The following TTC7B variants were observed in gnomAD, a reference collection of about 807,000 sequenced individuals.
The protein encoded by TTC7B is tetratricopeptide repeat domain 7B.
TTC7B carries 28 observed loss-of-function variants against 106.8 expected under a neutral mutation model. That is an observed-to-expected ratio of 0.26 (90% CI 0.19 to 0.36). The LOEUF is 0.36. Among genes scored for constraint, TTC7B ranks in the 10% least tolerant of loss-of-function variants. The probability of loss-of-function intolerance (pLI) is 1.00; values close to 1 mark genes in which losing one functional copy is unlikely to be tolerated. For synonymous variants in TTC7B, 405 were observed against 430.6 expected (o/e 0.94, Z 0.74); for missense variants, 862 against 1,076.4 (o/e 0.80, Z 2.79).
chr14:90,706,000 A>T (rs1595301699), intron 5 of TTC7B, among the ~76,000 whole-genome samples: 1 of 152,090 alleles, frequency 6.6e-6, no homozygotes, highest in Admixed American at 6.6e-5. Flanking sequence ...AGGCTTGATC[A>T]ATTCAGGGTC....
intron 15 of TTC7B, among the ~76,000 whole-genome samples, chr14:90,632,682 G>A (rs1164143101): frequency 6.6e-6 from 1 of 152,214 alleles, no homozygotes; most frequent in Non-Finnish European, 1.5e-5. Context: ...GTGGTTACGA[G>A]CACAGATGGC....
intron 8 of TTC7B, among the ~76,000 whole-genome samples, chr14:90,678,582 A>G (rs1206346636): frequency 6.6e-6 from 1 of 152,244 alleles, no homozygotes; most frequent in African/African-American, 2.4e-5. Context: ...CATTTTGGTT[A>G]GAAACCTCAT....
At chr14:90,766,507 C>T (rs569810448) in intron 3 of TTC7B, 67 of 705,718 alleles carry the variant, frequency 9.5e-5, no homozygotes, top group African/African-American at 6.4e-4. Flanking sequence ...AGGAGGCCTA[C>T]GTGCCACCTC....
At position 90,533,566 on chromosome 14, in the gene TTC7B, G is replaced by C. The variant is rs80336958; in HGVS notation, c.*7802C>G. ...CCTCTGTTAATATCCCCAAAAGCCC[G>C]TAAGGGAAGTTACTCCCCGACCATA... On this transcript the variant is annotated 3_prime_UTR_variant, in exon 20 of 20. Coordinates refer to ENST00000328459, the MANE Select transcript of TTC7B (RefSeq NM_001010854.2). 2 of 152,258 alleles carry C rather than the reference G, an allele frequency of 1.3e-5. No individual in the cohort carries two copies. The highest frequency in any genetic ancestry group is 4.8e-5 in the African/African-American group (2 of 41,448). 9.4% of individuals were successfully genotyped at this position (152,258 alleles called of 1,614,324 possible). A position where few individuals can be genotyped will look rare whatever the true frequency, so the allele number is the denominator to read the frequency against.
At chr14:90,815,972 C>T (rs529886330) in intron 1 of TTC7B, among the ~76,000 whole-genome samples, 1 of 151,338 alleles carries the variant, frequency 6.6e-6, no homozygotes, top group East Asian at 2.0e-4. Flanking sequence ...GCCCCTGGCG[C>T]CCCCCCGGGC....
intron 5 of TTC7B, among the ~76,000 whole-genome samples, chr14:90,728,272 C>T (rs1225805006): frequency 7.4e-6 from 1 of 135,158 alleles, no homozygotes; most frequent in African/African-American, 2.8e-5. Flanking sequence ...CCAAGGCAGG[C>T]AGATCCCTTG....
chr14:90,693,443 A>T (rs1453773145), intron 6 of TTC7B, among the ~76,000 whole-genome samples: 1 of 152,230 alleles, frequency 6.6e-6, no homozygotes, highest in Non-Finnish European at 1.5e-5. Context: ...CCAAACAACT[A>T]GCAGCCCTCG....
At chr14:90,767,740 GAAGAA>G (rs1257806243) in intron 3 of TTC7B, among the ~76,000 whole-genome samples, 5 of 152,142 alleles carry the variant, frequency 3.3e-5, no homozygotes, top group Non-Finnish European at 7.4e-5. Flanking sequence ...AAAAAAGATT[GAAGAA>G]AAGTGAACAG....
chr14:90,702,274 G>A (rs1399600194), intron 5 of TTC7B, among the ~76,000 whole-genome samples: 3 of 152,142 alleles, frequency 2.0e-5, no homozygotes, highest in Non-Finnish European at 4.4e-5. Flanking sequence ...AAACTAGTCA[G>A]TAACAACTGT....
intron 5 of TTC7B, among the ~76,000 whole-genome samples, chr14:90,727,265 G>A (rs1235935643): frequency 6.6e-6 from 1 of 152,120 alleles, no homozygotes; most frequent in Non-Finnish European, 1.5e-5. Flanking sequence ...GAGGGTGATG[G>A]ACAGTCAATC....
At chr14:90,641,246 G>A (rs1342496097) in intron 15 of TTC7B, among the ~76,000 whole-genome samples, 2 of 152,172 alleles carry the variant, frequency 1.3e-5, no homozygotes, top group African/African-American at 2.4e-5. Context: ...GGAATGTAAC[G>A]CTGGAGGGAC....
intron 3 of TTC7B, among the ~76,000 whole-genome samples, chr14:90,770,634 C>T (rs897220541): frequency 6.9e-6 from 1 of 144,294 alleles, no homozygotes; most frequent in South Asian, 2.2e-4. Flanking sequence ...GCCTGGGCAA[C>T]AAGAGTGAAA....
intron 3 of TTC7B, among the ~76,000 whole-genome samples, chr14:90,776,854 G>A (rs2140031809): frequency 6.6e-6 from 1 of 152,264 alleles, no homozygotes; most frequent in Middle Eastern, 3.4e-3. Flanking sequence ...GTAGGACCCT[G>A]GGCAAGTTTA....
intron 3 of TTC7B, among the ~76,000 whole-genome samples, chr14:90,777,132 T>G (rs1008324199): frequency 6.6e-6 from 1 of 152,040 alleles, no homozygotes; most frequent in Non-Finnish European, 1.5e-5. Flanking sequence ...CCCAACTACT[T>G]GTGAGGCTGA....
At chr14:90,587,067 T>A (rs1891746088) in intron 18 of TTC7B, among the ~76,000 whole-genome samples, 1 of 152,218 alleles carries the variant, frequency 6.6e-6, no homozygotes. Context: ...CTCTACCACC[T>A]GGACCAATGC....
chr14:90,697,547 T>C (rs973911223), intron 5 of TTC7B: 1 of 152,214 alleles, frequency 6.6e-6, no homozygotes, highest in African/African-American at 2.4e-5. Flanking sequence ...AATTACTTCA[T>C]ATATTTATAA....
chr14:90,601,228 A>T (rs1481826374), intron 17 of TTC7B, among the ~76,000 whole-genome samples: 2 of 151,854 alleles, frequency 1.3e-5, no homozygotes, highest in Non-Finnish European at 2.9e-5. Flanking sequence ...TACAGTCATC[A>T]CAGAGTGATG....
At chr14:90,645,919 C>A (rs1885425586) in intron 14 of TTC7B, among the ~76,000 whole-genome samples, 1 of 152,122 alleles carries the variant, frequency 6.6e-6, no homozygotes, top group Non-Finnish European at 1.5e-5. Flanking sequence ...AACAAGAAAG[C>A]TGGGCAAAAG....
In TTC7B at chr14:90,578,018, A is replaced by C; in HGVS notation, c.2310+88T>G. On this transcript the variant is annotated intron_variant, in intron 19 of 19. Transcript: ENST00000328459. The surrounding 1 kb of genome is among the most constrained non-coding windows in gnomAD (Gnocchi z 4.7). The stretch of plus-strand genomic sequence containing the variant: ...ACTGCATGGGGCCTTTGGAAGCAGA[A>C]GAGGGTGTGAGGGTCATGTGCTACC... The C allele has an allele frequency of 3.4e-6, 5 of 1,463,148 alleles. No individual in the cohort carries two copies. The highest frequency in any genetic ancestry group is 4.6e-6 in the Non-Finnish European group (5 of 1,078,584). 90.6% of individuals were successfully genotyped at this position (1,463,148 alleles called of 1,614,324 possible). A position where few individuals can be genotyped will look rare whatever the true frequency, so the allele number is the denominator to read the frequency against.
Sources: gnomAD v4.1 joint callset for allele counts (sites outside exome capture counted in the v4.1 genomes callset) on GRCh38, gnomAD v4.1.1 for gene constraint, Gnocchi (gnomAD v3.1) non-coding constraint, MANE v1.5 for transcripts, NCBI Gene and HGNC (gene_info 2026-07-23, HGNC 2026-07-21) for gene names.